Variants in CTNNA3 observed in about 807,000 individuals in gnomAD.
The protein encoded by CTNNA3 is catenin alpha-3.
Under a neutral mutation model 95.7 loss-of-function variants are expected in CTNNA3, and 76 were observed. That is an observed-to-expected ratio of 0.79 (90% CI 0.66 to 0.96). The LOEUF (loss-of-function observed/expected upper bound fraction) is 0.96, where lower values mean the gene tolerates loss of function less well. Ranked by LOEUF, CTNNA3 falls within the 40% of genes least tolerant of loss-of-function variation. CTNNA3 has a pLI of 0.00. For missense variants in CTNNA3, 1,191 were observed against 1,089.8 expected, an observed-to-expected ratio of 1.09 and a Z score of -1.31; for synonymous variants, 431 against 374.4, an observed-to-expected ratio of 1.15 and a Z score of -1.74.
chr10:67,201,411 TGGAGA>T (rs1281937195), intron 6 of CTNNA3, among the ~76,000 whole-genome samples: 1 of 152,186 alleles, frequency 6.6e-6, no homozygotes, highest in Non-Finnish European at 1.5e-5. Flanking sequence ...ATAGTAGGCT[TGGAGA>T]GGAGTCAGAG....
chr10:66,554,935 T>G (rs1433901126), intron 10 of CTNNA3, among the ~76,000 whole-genome samples: 1 of 152,134 alleles, frequency 6.6e-6, no homozygotes, highest in Non-Finnish European at 1.5e-5. Flanking sequence ...GAATTTAGTT[T>G]TACTGCATAC....
intron 5 of CTNNA3, among the ~76,000 whole-genome samples, chr10:67,405,807 A>C (rs1333481852): frequency 6.6e-6 from 1 of 152,220 alleles, no homozygotes; most frequent in Admixed American, 6.5e-5. Flanking sequence ...TCAGAAGTAA[A>C]ACACTCCTCA....
chr10:66,916,035 T>C (rs1423289962), intron 7 of CTNNA3, among the ~76,000 whole-genome samples: 3 of 152,114 alleles, frequency 2.0e-5, no homozygotes, highest in Non-Finnish European at 4.4e-5. Context: ...AGGTTTGAAC[T>C]ACTGTGCCCA....
chr10:67,514,819 C>A (rs1589379539), intron 5 of CTNNA3, among the ~76,000 whole-genome samples: 2 of 151,546 alleles, frequency 1.3e-5, no homozygotes, highest in East Asian at 3.9e-4. Flanking sequence ...ACATTCCCCA[C>A]ATAAAGTAGC....
At chr10:66,951,774 T>G (rs1331286743) in intron 7 of CTNNA3, among the ~76,000 whole-genome samples, 3 of 152,178 alleles carry the variant, frequency 2.0e-5, no homozygotes, top group Non-Finnish European at 4.4e-5. Context: ...CATTTAATAC[T>G]ACACTGGGAA....
chr10:66,568,609 T>C lies in CTNNA3; in HGVS notation c.1375-47836A>G, dbSNP rs566581429. Among the ~76,000 whole-genome samples, 305 of 152,124 alleles carry C rather than the reference T, an allele frequency of 2.0e-3. 3 individuals carry two copies. Among genetic ancestry groups the C allele is most frequent in the African/African-American group, 6.0e-3 (251 of 41,494 alleles). On this transcript the variant is annotated intron_variant, in intron 10 of 17. Transcript: ENST00000433211. Reference sequence around the variant, plus strand: ...GAGCTCAGAATTGGGTTCACCACCTTCCATTGCACAGTTAAAGAGACTGCA... The same window carrying C: ...GAGCTCAGAATTGGGTTCACCACCTCCCATTGCACAGTTAAAGAGACTGCA...
At chr10:66,785,653 G>T (rs1840712318) in intron 7 of CTNNA3, among the ~76,000 whole-genome samples, 1 of 152,144 alleles carries the variant, frequency 6.6e-6, no homozygotes. Flanking sequence ...CTCAGATGGG[G>T]ACTGAATTAT....
chr10:67,681,231 A>T (rs908638699), intron 1 of CTNNA3, among the ~76,000 whole-genome samples: 5 of 152,210 alleles, frequency 3.3e-5, no homozygotes, highest in African/African-American at 1.2e-4. Flanking sequence ...TCCTGAAAGG[A>T]CAGAAAAGAA....
chr10:67,088,382 T>C (rs1276355459), intron 7 of CTNNA3, among the ~76,000 whole-genome samples: 1 of 151,938 alleles, frequency 6.6e-6, no homozygotes. Flanking sequence ...AGCCAATCCA[T>C]ATTTATTTTT....
chr10:66,213,195 T>C (rs567446715), intron 13 of CTNNA3, among the ~76,000 whole-genome samples: 10 of 152,322 alleles, frequency 6.6e-5, no homozygotes, highest in South Asian at 4.1e-4. Context: ...TTTCTACTTA[T>C]AACTTCATAG....
At chr10:66,840,323 A>ATCTCTTTCTCTCTCTC (rs1843007579) in intron 7 of CTNNA3, among the ~76,000 whole-genome samples, 1 of 90,638 alleles carries the variant, frequency 1.1e-5, no homozygotes, top group African/African-American at 4.1e-5. Flanking sequence ...CCAAGAAGCC[A>ATCTCTTTCTCTCTCTC]TCTCTCTCTC....
intron 5 of CTNNA3, among the ~76,000 whole-genome samples, chr10:67,503,202 C>T (rs1385690966): frequency 6.6e-6 from 1 of 152,238 alleles, no homozygotes; most frequent in African/African-American, 2.4e-5. Context: ...TCCCTCACGG[C>T]TTCCCTTGGT....
At chr10:65,934,812 G>A (rs1458924128) in intron 17 of CTNNA3, among the ~76,000 whole-genome samples, 1 of 152,084 alleles carries the variant, frequency 6.6e-6, no homozygotes, top group Non-Finnish European at 1.5e-5. Flanking sequence ...TGGGCACCAG[G>A]AGGTCAGAGT....
intron 8 of CTNNA3, among the ~76,000 whole-genome samples, chr10:66,774,688 C>T (rs1297555108): frequency 1.3e-5 from 2 of 152,000 alleles, no homozygotes; most frequent in African/African-American, 4.8e-5. Context: ...GCTTTTTCTC[C>T]CTTTTGATGA....
chr10:66,741,801 G>A (rs1261923898), intron 9 of CTNNA3, among the ~76,000 whole-genome samples: 2 of 152,176 alleles, frequency 1.3e-5, no homozygotes, highest in African/African-American at 2.4e-5. Flanking sequence ...AACATAAATT[G>A]TGAAGATTTC....
rs149880182 is a variant in CTNNA3, at chr10:67,435,386, A to C, written c.579+86456T>G. Among the ~76,000 whole-genome samples, 261 of 152,128 alleles carry C rather than the reference A, an allele frequency of 1.7e-3. 2 individuals carry two copies. Among genetic ancestry groups the C allele is most frequent in the African/African-American group, 5.8e-3 (243 of 41,544 alleles). ...CCCACAGCCAATATAACATTGAATA[A>C]GGAAAAGTTGAAAGCATTCTCTCTG... On this transcript the variant is annotated intron_variant, in intron 5 of 17. Coordinates refer to ENST00000433211, the MANE Select transcript of CTNNA3 (RefSeq NM_013266.4).
intron 9 of CTNNA3, among the ~76,000 whole-genome samples, chr10:66,717,229 G>T (rs1409641858): frequency 6.6e-6 from 1 of 151,974 alleles, no homozygotes; most frequent in East Asian, 1.9e-4. Context: ...GCCAGCCCCC[G>T]CCATGTAAGC....
chr10:66,220,503 G>T (rs1459765473), intron 13 of CTNNA3, among the ~76,000 whole-genome samples: 1 of 152,184 alleles, frequency 6.6e-6, no homozygotes, highest in African/African-American at 2.4e-5. Context: ...AAGAGGGTGT[G>T]TGATACAGTG....
intron 5 of CTNNA3, among the ~76,000 whole-genome samples, chr10:67,468,828 G>A (rs944170776): frequency 2.2e-4 from 34 of 152,146 alleles, no homozygotes; most frequent in African/African-American, 8.2e-4. Context: ...TCAGGTGACT[G>A]AGCAAAAAAT....
Sources: gnomAD v4.1 joint callset for allele counts (sites outside exome capture counted in the v4.1 genomes callset) on GRCh38, gnomAD v4.1.1 for gene constraint, MANE v1.5 for transcripts, NCBI Gene and HGNC (gene_info 2026-07-23, HGNC 2026-07-21) for gene names.